Variants in KAZN observed in about 807,000 individuals in gnomAD.
KAZN encodes kazrin.
Under a neutral mutation model 87.4 loss-of-function variants are expected in KAZN, and 40 were observed. The ratio of observed to expected loss-of-function variants is 0.46; its 90% confidence interval spans 0.36 to 0.60. The LOEUF is 0.60. Among genes scored for constraint, KAZN ranks in the 20% least tolerant of loss-of-function variants. The probability of loss-of-function intolerance (pLI) is 0.00; values close to 1 mark genes in which losing one functional copy is unlikely to be tolerated. For synonymous variants in KAZN, 466 were observed against 458.3 expected (o/e 1.02, Z -0.22); for missense variants, 898 against 1,073.9 (o/e 0.84, Z 2.29).
intron 1 of KAZN, among the ~76,000 whole-genome samples, chr1:14,832,353 T>C (rs1224622943): frequency 2.0e-5 from 3 of 152,200 alleles, no homozygotes; most frequent in Non-Finnish European, 4.4e-5. Context: ...GCCTCTCCCA[T>C]CTTAGCCCCT....
intron 1 of KAZN, among the ~76,000 whole-genome samples, chr1:14,703,446 A>G (rs1346941359): frequency 6.6e-6 from 1 of 152,196 alleles, no homozygotes; most frequent in Non-Finnish European, 1.5e-5. Context: ...GTGGGCAGTC[A>G]TTCTTCTTCT....
chr1:14,508,371 A>C (rs1387642608), intron 2 of KAZN, among the ~76,000 whole-genome samples: 1 of 152,134 alleles, frequency 6.6e-6, no homozygotes, highest in Admixed American at 6.6e-5. Context: ...ACTTAGAAGG[A>C]TCTTCTCATT....
intron 1 of KAZN, among the ~76,000 whole-genome samples, chr1:14,937,090 A>G (rs1660544613): frequency 6.6e-6 from 1 of 152,152 alleles, no homozygotes; most frequent in South Asian, 2.1e-4. Context: ...CTCTGGGCAT[A>G]ATTCTTGCAG....
intron 2 of KAZN, among the ~76,000 whole-genome samples, chr1:14,328,233 A>G (rs951315013): frequency 9.9e-5 from 15 of 152,196 alleles, no homozygotes; most frequent in Admixed American, 6.5e-5. Context: ...TTCTTTAGCT[A>G]CAATAGATAA....
intron 1 of KAZN, among the ~76,000 whole-genome samples, chr1:14,817,778 G>GAA (rs36003629): frequency 2.0e-5 from 3 of 146,508 alleles, no homozygotes; most frequent in East Asian, 2.0e-4. Flanking sequence ...TTCTAAATAG[G>GAA]AAAAAAAAAA....
chr1:15,044,270 G>GGGGGGGGGGGGGGCCC, intron 4 of KAZN, 111 bp downstream of exon 4: 1 of 413,326 alleles, frequency 2.4e-6, no homozygotes, highest in African/African-American at 2.1e-5. Flanking sequence ...GGTGGGTGGG[G>GGGGGGGGGGGGGGCCC]CAGAGCAGAA....
chr1:14,970,177 T>G (rs1305217354), intron 2 of KAZN, among the ~76,000 whole-genome samples: 1 of 152,194 alleles, frequency 6.6e-6, no homozygotes, highest in East Asian at 1.9e-4. Flanking sequence ...GTTTGAGGTT[T>G]ACAGAAAAGT....
intron 2 of KAZN, among the ~76,000 whole-genome samples, chr1:15,013,511 T>A (rs544642980): frequency 2.6e-5 from 4 of 152,216 alleles, no homozygotes; most frequent in Non-Finnish European, 4.4e-5. Context: ...CCAAGCGCTT[T>A]GGGAGGCCAA....
chr1:14,447,156 G>A (rs942621375), intron 2 of KAZN, among the ~76,000 whole-genome samples: 13 of 151,288 alleles, frequency 8.6e-5, no homozygotes, highest in African/African-American at 3.1e-4. Context: ...TGGTATCCTA[G>A]TGGGAACCCA....
At chr1:15,044,457 A>C (rs1673264971) in intron 4 of KAZN, among the ~76,000 whole-genome samples, 1 of 152,090 alleles carries the variant, frequency 6.6e-6, no homozygotes, top group East Asian at 1.9e-4. Flanking sequence ...GCCTACTATT[A>C]GGAAAAAAAG....
chr1:14,737,168 A>G (rs1643933330), intron 1 of KAZN, among the ~76,000 whole-genome samples: 1 of 152,170 alleles, frequency 6.6e-6, no homozygotes, highest in Non-Finnish European at 1.5e-5. Context: ...AAGGAGATCA[A>G]CGAGAGCAGT....
intron 1 of KAZN, among the ~76,000 whole-genome samples, chr1:14,612,145 G>A (rs1677872267): frequency 6.6e-6 from 1 of 152,144 alleles, no homozygotes; most frequent in African/African-American, 2.4e-5. Flanking sequence ...TTAAACATGA[G>A]CAATAAAACT....
intron 2 of KAZN, among the ~76,000 whole-genome samples, chr1:15,017,532 G>A (rs866854383): frequency 2.6e-5 from 4 of 151,964 alleles, no homozygotes; most frequent in African/African-American, 7.2e-5. Context: ...GGCCAGGCGC[G>A]GTGGCTCACG....
chr1:14,386,050 C>T (rs1661854071), intron 2 of KAZN, among the ~76,000 whole-genome samples: 1 of 151,692 alleles, frequency 6.6e-6, no homozygotes, highest in South Asian at 2.1e-4. Context: ...TTGAATTGAT[C>T]CCTTTACCAT....
intron 8 of KAZN, among the ~76,000 whole-genome samples, chr1:15,068,319 G>A (rs1466639996): frequency 6.6e-6 from 1 of 152,044 alleles, no homozygotes; most frequent in Non-Finnish European, 1.5e-5. Flanking sequence ...GGCCCTTGGA[G>A]GGGCCGAGCC....
chr1:15,043,037 C>T (rs1289783627), intron 3 of KAZN, among the ~76,000 whole-genome samples: 2 of 152,232 alleles, frequency 1.3e-5, no homozygotes, highest in Non-Finnish European at 2.9e-5. Context: ...GGGACTGGCA[C>T]AGCCGGGGCC....
In KAZN at chr1:14,662,873, T is replaced by TTA. The variant is rs199806488; in HGVS notation, c.226+63660_226+63661dup. On this transcript the variant is annotated intron_variant, in intron 1 of 14. Coordinates refer to ENST00000376030, the MANE Select transcript of KAZN (RefSeq NM_201628.3). Reference sequence around the variant, plus strand: ...GCTTTTCATCCATTATTGCCAATACTTATATATATATGTATATATTATATA... The same window carrying TTA: ...GCTTTTCATCCATTATTGCCAATACTTATATATATATATGTATATATTATATA... Among the ~76,000 whole-genome samples, 248 of 144,662 alleles carry TTA rather than the reference T, an allele frequency of 1.7e-3. 4 individuals carry two copies. In the East Asian group the frequency reaches 0.02, roughly 12 times the overall value. 94.9% of individuals were successfully genotyped at this position (144,662 alleles called of 152,430 possible).
chr1:14,134,458 C>T (rs947761086), intron 1 of KAZN, among the ~76,000 whole-genome samples: 8 of 152,160 alleles, frequency 5.3e-5, no homozygotes, highest in African/African-American at 1.9e-4. Flanking sequence ...TACTACTATT[C>T]TGAAATCAAA....
In KAZN at chr1:14,371,505, T is replaced by C. The variant is rs946698664; in HGVS notation, c.249+190913T>C. Among the ~76,000 whole-genome samples, 3 of 152,026 alleles carry C rather than the reference T, an allele frequency of 2.0e-5. No homozygotes were observed. The East Asian group carries it at 5.8e-4, about 29-fold the overall frequency. On this transcript the variant is annotated intron_variant, in intron 2 of 16. Transcript: ENST00000636203. ...TGGCAGGAGAGTAGCAAGGGCTAAA[T>C]TGGAAAAGGGTGGTCCCAGGGAGCC...
Sources: allele counts gnomAD v4.1 joint callset (sites outside exome capture counted in the v4.1 genomes callset), GRCh38; gene constraint gnomAD v4.1.1; transcripts MANE v1.5; gene names NCBI Gene and HGNC (gene_info 2026-07-23, HGNC 2026-07-21).